The following SLIT1 variants were observed in gnomAD, a reference collection of about 807,000 sequenced individuals.
SLIT1 encodes the protein slit homolog 1 protein.
SLIT1 carries 66 observed loss-of-function variants against 186.1 expected under a neutral mutation model. That is an observed-to-expected ratio of 0.35 (90% CI 0.29 to 0.44). SLIT1 has a LOEUF of 0.44. SLIT1 is among the 20% of genes least tolerant of loss of function. SLIT1 has a pLI of 1.00. For synonymous variants in SLIT1, 761 were observed against 833.8 expected (o/e 0.91, Z 1.50); for missense variants, 1,638 against 2,037.4 (o/e 0.80, Z 3.77).
intron 12 of SLIT1, 58 bp downstream of exon 12, chr10:97,057,152 C>T (rs1021882473): frequency 7.1e-7 from 1 of 1,399,628 alleles, no homozygotes; most frequent in Non-Finnish European, 1.0e-6. Context: ...TCTAGCAGGC[C>T]AGAGGAAAGC....
chr10:97,146,210 G>A (rs558404463), intron 4 of SLIT1, among the ~76,000 whole-genome samples: 3 of 152,182 alleles, frequency 2.0e-5, no homozygotes, highest in Non-Finnish European at 4.4e-5. Flanking sequence ...AAGAGCTTGA[G>A]GAACCCCATC....
intron 13 of SLIT1, among the ~76,000 whole-genome samples, chr10:97,050,199 A>G (rs1848775009): frequency 6.6e-6 from 1 of 152,170 alleles, no homozygotes; most frequent in African/African-American, 2.4e-5. Flanking sequence ...GGCCAACTCA[A>G]AGAGACTTGC....
chr10:97,117,583 T>C (rs1207120117), intron 4 of SLIT1, among the ~76,000 whole-genome samples: 1 of 152,192 alleles, frequency 6.6e-6, no homozygotes, highest in Non-Finnish European at 1.5e-5. Flanking sequence ...CTGGTGACAG[T>C]GTACCAGGGG....
intron 4 of SLIT1, among the ~76,000 whole-genome samples, chr10:97,138,369 T>C (rs1285887582): frequency 6.6e-6 from 1 of 152,180 alleles, no homozygotes; most frequent in Non-Finnish European, 1.5e-5. Flanking sequence ...ACCTCCACTA[T>C]CAACAGATGG....
At chr10:97,118,410 G>A (rs1747997294) in intron 4 of SLIT1, among the ~76,000 whole-genome samples, 1 of 152,092 alleles carries the variant, frequency 6.6e-6, no homozygotes, top group South Asian at 2.1e-4. Context: ...TGGAGTTAGA[G>A]CCCACTCCCC....
At chr10:97,003,329 G>A (rs1848329415) in intron 34 of SLIT1, among the ~76,000 whole-genome samples, 1 of 152,236 alleles carries the variant, frequency 6.6e-6, no homozygotes, top group Non-Finnish European at 1.5e-5. Context: ...ACCTCCCAGA[G>A]ACCCCAGCCG....
chr10:97,180,788 C>A (rs1180964742), intron 1 of SLIT1, among the ~76,000 whole-genome samples: 1 of 152,238 alleles, frequency 6.6e-6, no homozygotes, highest in African/African-American at 2.4e-5. Context: ...AGACAGACTG[C>A]AAGAGAGGCA....
intron 23 of SLIT1, 69 bp downstream of exon 23, chr10:97,034,402 G>A: frequency 8.7e-7 from 1 of 1,150,228 alleles, no homozygotes; most frequent in South Asian, 1.2e-5. Context: ...AAAAAGCACA[G>A]GCTGGGGCTA....
intron 4 of SLIT1, among the ~76,000 whole-genome samples, chr10:97,078,671 C>T (rs747280417): frequency 5.0e-4 from 76 of 152,298 alleles, no homozygotes; most frequent in Non-Finnish European, 9.3e-4. Context: ...TTCAACTCTA[C>T]CTACTGCAAG....
chr10:97,008,258 A>G (rs1443699931), intron 31 of SLIT1, among the ~76,000 whole-genome samples: 1 of 152,264 alleles, frequency 6.6e-6, no homozygotes. Context: ...ATAGCATCAA[A>G]CAGAATAAAA....
chr10:97,067,241 C>A (rs1412531303), intron 4 of SLIT1, among the ~76,000 whole-genome samples: 3 of 152,218 alleles, frequency 2.0e-5, no homozygotes, highest in Non-Finnish European at 4.4e-5. Context: ...GCTGTCAGGA[C>A]TGCAAATCCT....
intron 4 of SLIT1, among the ~76,000 whole-genome samples, chr10:97,066,566 G>A (rs182482601): frequency 6.6e-6 from 1 of 152,046 alleles, no homozygotes; most frequent in Non-Finnish European, 1.5e-5. Context: ...CGGGAGCTCT[G>A]GTTGTTGAAG....
At chr10:97,183,680 G>A in intron 1 of SLIT1, among the ~76,000 whole-genome samples, 1 of 152,134 alleles carries the variant, frequency 6.6e-6, no homozygotes, top group South Asian at 2.1e-4. Flanking sequence ...AACACTAAAG[G>A]TGGTGAGAGA....
chr10:97,149,424 T>G (rs1374682994), intron 4 of SLIT1, among the ~76,000 whole-genome samples: 1 of 152,188 alleles, frequency 6.6e-6, no homozygotes, highest in Non-Finnish European at 1.5e-5. Flanking sequence ...CGTCTGCGCT[T>G]GGGGCCTTCC....
intron 4 of SLIT1, among the ~76,000 whole-genome samples, chr10:97,137,826 A>G (rs561668848): frequency 1.9e-4 from 29 of 152,276 alleles, no homozygotes; most frequent in African/African-American, 6.7e-4. Flanking sequence ...TTGATGGTTT[A>G]CCACATGTTG....
chr10:97,109,057 A>G (rs2134677746), intron 4 of SLIT1, among the ~76,000 whole-genome samples: 1 of 151,980 alleles, frequency 6.6e-6, no homozygotes, highest in South Asian at 2.1e-4. Flanking sequence ...ATCTAAAAAA[A>G]TAAATAAAAA....
At chr10:97,119,726 T>C (rs1336028266) in intron 4 of SLIT1, among the ~76,000 whole-genome samples, 1 of 149,900 alleles carries the variant, frequency 6.7e-6, no homozygotes, top group East Asian at 2.0e-4. Flanking sequence ...CCACTCTGTG[T>C]TGGCAGCCAG....
At chr10:97,074,033 C>G (rs1849023909) in intron 4 of SLIT1, among the ~76,000 whole-genome samples, 1 of 152,146 alleles carries the variant, frequency 6.6e-6, no homozygotes, top group African/African-American at 2.4e-5. Context: ...CTCCCCTGAG[C>G]CTGAGTCAGC....
intron 23 of SLIT1, 46 bp from the exon 24 acceptor site, chr10:97,031,723 C>A (rs1251656027): frequency 1.4e-6 from 2 of 1,471,158 alleles, no homozygotes; most frequent in South Asian, 2.5e-5. Flanking sequence ...TAGTGCCTGG[C>A]CCCTGTGGGC....
Sources: gnomAD v4.1 joint callset for allele counts (sites outside exome capture counted in the v4.1 genomes callset) on GRCh38, gnomAD v4.1.1 for gene constraint, MANE v1.5 for transcripts, NCBI Gene and HGNC (gene_info 2026-07-23, HGNC 2026-07-21) for gene names.